The following ILKAP variants were observed in gnomAD, a reference collection of about 807,000 sequenced individuals.
ILKAP encodes integrin-linked kinase-associated serine/threonine phosphatase 2C.
A neutral mutation model predicts 49.1 loss-of-function variants in ILKAP; 11 were observed. The observed-to-expected ratio is 0.22, with a 90% CI of 0.14 to 0.37. The LOEUF (loss-of-function observed/expected upper bound fraction) is 0.37, where lower values mean the gene tolerates loss of function less well. ILKAP is among the 10% of genes least tolerant of loss of function. ILKAP has a pLI of 1.00. For missense variants in ILKAP, 363 were observed against 510.8 expected (o/e 0.71, Z 2.79); for synonymous variants, 186 against 192.8 (o/e 0.96, Z 0.29).
intron 1 of ILKAP, among the ~76,000 whole-genome samples, chr2:238,196,334 G>A (rs537681871): frequency 2.2e-4 from 34 of 152,046 alleles, no homozygotes; most frequent in African/African-American, 8.0e-4. Context: ...CAAGTGTTCT[G>A]CCTGCCTCAG....
At chr2:238,182,573 G>A (rs550665968) in intron 8 of ILKAP, among the ~76,000 whole-genome samples, 1 of 152,340 alleles carries the variant, frequency 6.6e-6, no homozygotes, top group East Asian at 1.9e-4. Context: ...AAAGAGGAGG[G>A]CAAGCGTTGT....
At chr2:238,170,904 C>T (rs377000287) in intron 11 of ILKAP, 39 bp downstream of exon 11, 1 of 1,571,134 alleles carries the variant, frequency 6.4e-7, no homozygotes, top group African/African-American at 1.4e-5. Context: ...AACTAAGACA[C>T]AATTGGGACA....
chr2:238,170,484 A>G lies in ILKAP; in HGVS notation c.*52T>C. ...AAAACACACAATGTGCACACACACA[A>G]AATGAACCTTTTAAGTCAATACCAT... On this transcript the variant is annotated 3_prime_UTR_variant, in exon 12 of 12. Transcript: ENST00000254654. 6.5e-7 allele frequency: 1 copy of G among 1,542,972 alleles called. No homozygotes were observed. The highest frequency in any genetic ancestry group is 8.8e-7 in the Non-Finnish European group (1 of 1,139,330).
At position 238,177,039 on chromosome 2, in the gene ILKAP, T is replaced by C. The variant is rs746465455; in HGVS notation, c.837-3386A>G. Among the ~76,000 whole-genome samples the C allele has an allele frequency of 6.4e-4, 97 of 152,264 alleles. 2 individuals carry two copies. Among genetic ancestry groups the C allele is most frequent in the Non-Finnish European group, 3.2e-4 (22 of 68,048 alleles). The stretch of plus-strand genomic sequence containing the variant: ...CTGACATTTAAATTTAAATGCTATA[T>C]GTAAACTTCCCATCTGTTCAGCTGC... On this transcript the variant is annotated intron_variant, in intron 9 of 11. Coordinates refer to ENST00000254654, the MANE Select transcript of ILKAP (RefSeq NM_030768.3).
intron 4 of ILKAP, among the ~76,000 whole-genome samples, chr2:238,188,875 T>C (rs1339118128): frequency 6.6e-6 from 1 of 152,206 alleles, no homozygotes; most frequent in Non-Finnish European, 1.5e-5. Context: ...ATGAACACTG[T>C]GAAGAGCTGT....
chr2:238,183,017 G>A (rs921924815), intron 8 of ILKAP, among the ~76,000 whole-genome samples: 32 of 152,298 alleles, frequency 2.1e-4, no homozygotes, highest in African/African-American at 7.7e-4. Context: ...GAGCAAGGAG[G>A]CCGGGTGAAA....
intron 1 of ILKAP, among the ~76,000 whole-genome samples, chr2:238,196,020 G>A (rs941768115): frequency 3.2e-5 from 4 of 123,346 alleles, no homozygotes; most frequent in Non-Finnish European, 6.4e-5. Flanking sequence ...CTCCAGCCTA[G>A]GCAACACAGT....
intron 9 of ILKAP, among the ~76,000 whole-genome samples, chr2:238,175,122 CTTTTT>C (rs34662576): frequency 2.7e-5 from 4 of 148,160 alleles, no homozygotes; most frequent in Admixed American, 6.7e-5. Flanking sequence ...CTCATTCTCT[CTTTTT>C]TTTTTTAAGA....
intron 4 of ILKAP, 51 bp from the exon 5 acceptor site, chr2:238,188,308 G>A: frequency 6.3e-7 from 1 of 1,590,094 alleles, no homozygotes. Flanking sequence ...CCAACCCTCT[G>A]GAAACCCTAG....
chr2:238,198,502 G>C (rs1694438585), intron 1 of ILKAP, among the ~76,000 whole-genome samples: 1 of 152,168 alleles, frequency 6.6e-6, no homozygotes. Flanking sequence ...GCATCCCAAA[G>C]TGCTGGGATT....
chr2:238,197,333 C>T (rs1328723937), intron 1 of ILKAP, among the ~76,000 whole-genome samples: 1 of 152,214 alleles, frequency 6.6e-6, no homozygotes, highest in Non-Finnish European at 1.5e-5. Context: ...TCCGGACAGA[C>T]TCAAAAACCA....
chr2:238,203,524 G>A lies in ILKAP; in HGVS notation c.30C>T (p.Pro10=). The A allele has an allele frequency of 8.1e-7, 1 of 1,236,130 alleles. No homozygotes were observed. The highest frequency in any genetic ancestry group is 3.9e-5 in the East Asian group (1 of 25,626). The allele number at this position is 1,236,130 out of a possible 1,614,324, so 76.6% of individuals were successfully genotyped here. The change falls in exon 1 of 12, where the codon CCC becomes CCT. Residue 10 remains proline, a synonymous_variant. Transcript: ENST00000254654. ...CGGCAGCCGGGCGCGGCGAGCGCTC[G>A]GGCTCCGGCAGGTCCCCGAAGAGGT... The part of the protein sequence containing the change: MDLFGDLPE[P]ERSPRPAAGK...
chr2:238,170,596 C>T lies in ILKAP; in HGVS notation c.1119G>A (p.Lys373=), dbSNP rs1323829247. The T allele has an allele frequency of 2.5e-6, 4 of 1,608,376 alleles. No individual in the cohort carries two copies. The South Asian group carries it at 4.4e-5, about 18-fold the overall frequency. ...YEAACNRLAN[K]AVQRGSADNV... ...TGTCGGCCGAGCCCCGCTGCACCGC[C>T]TTGTTGGCCAGCCTGTTGCAGGCTG... The change falls in exon 12 of 12, where the codon AAG becomes AAA. Residue 373 remains lysine (K), a synonymous_variant. Coordinates refer to ENST00000254654, the MANE Select transcript of ILKAP (RefSeq NM_030768.3).
intron 2 of ILKAP, 87 bp downstream of exon 2, chr2:238,194,718 G>A: frequency 1.5e-6 from 2 of 1,338,916 alleles, no homozygotes; most frequent in Non-Finnish European, 2.1e-6. Context: ...TGTTGAAAAT[G>A]GGGGAAAGGG....
At chr2:238,172,325 T>C (rs939333494) in intron 10 of ILKAP, among the ~76,000 whole-genome samples, 12 of 152,212 alleles carry the variant, frequency 7.9e-5, no homozygotes, top group African/African-American at 2.9e-4. Context: ...GTGTTGGGAT[T>C]ACAGGCGTGA....
intron 3 of ILKAP, among the ~76,000 whole-genome samples, chr2:238,190,877 TAAAA>T (rs57511265): frequency 2.1e-4 from 20 of 95,136 alleles, no homozygotes; most frequent in African/African-American, 5.2e-4. Flanking sequence ...CGTTTCTCTT[TAAAA>T]AAAAAAAAAA....
intron 1 of ILKAP, among the ~76,000 whole-genome samples, chr2:238,197,650 G>A (rs918558739): frequency 8.5e-5 from 13 of 152,082 alleles, no homozygotes; most frequent in African/African-American, 3.1e-4. Context: ...CCTCTCCTCT[G>A]GCTACAATTC....
intron 5 of ILKAP, chr2:238,185,569 C>T (rs1049900020): frequency 5.2e-5 from 14 of 269,508 alleles, no homozygotes; most frequent in African/African-American, 2.0e-4. Context: ...TTTGGGAGGC[C>T]GAGGCAGGCG....
intron 3 of ILKAP, among the ~76,000 whole-genome samples, chr2:238,192,298 A>G (rs751910646): frequency 7.9e-5 from 12 of 152,228 alleles, no homozygotes; most frequent in Non-Finnish European, 1.5e-4. Context: ...TTCTAAGCAA[A>G]TTACACTGTA....
Sources: allele counts gnomAD v4.1 joint callset (sites outside exome capture counted in the v4.1 genomes callset), GRCh38; gene constraint gnomAD v4.1.1; transcripts MANE v1.5; gene names NCBI Gene and HGNC (gene_info 2026-07-23, HGNC 2026-07-21).